DPYD: variants seen among roughly 807,000 people sequenced by gnomAD.
The protein encoded by DPYD is dihydropyrimidine dehydrogenase, also known as dihydropyrimidine dehydrogenase [NADP(+)].
Under a neutral mutation model 116.2 loss-of-function variants are expected in DPYD, and 109 were observed. The ratio of observed to expected loss-of-function variants is 0.94; its 90% CI spans 0.80 to 1.10. The LOEUF (loss-of-function observed/expected upper bound fraction) is 1.10. Among genes scored for constraint, DPYD ranks in the 50% least tolerant of loss-of-function variants. The pLI, the probability that DPYD is intolerant of heterozygous loss-of-function variation, is 0.00. For missense variants in DPYD, 1,302 were observed against 1,254.5 expected (o/e 1.04, Z -0.57); for synonymous variants, 440 against 432.0 (o/e 1.02, Z -0.23).
chr1:97,272,787 C>T (rs1425384601), intron 18 of DPYD, among the ~76,000 whole-genome samples: 1 of 152,046 alleles, frequency 6.6e-6, no homozygotes, highest in East Asian at 1.9e-4. Context: ...ATGGAACTTA[C>T]ATGAATGACT....
chr1:97,396,373 A>C (rs1299130042), intron 14 of DPYD, among the ~76,000 whole-genome samples: 1 of 151,916 alleles, frequency 6.6e-6, no homozygotes, highest in Non-Finnish European at 1.5e-5. Context: ...CTTTATAGAA[A>C]ATGTGTTGGT....
At chr1:97,113,618 G>A (rs988328315) in intron 20 of DPYD, among the ~76,000 whole-genome samples, 1 of 152,060 alleles carries the variant, frequency 6.6e-6, no homozygotes, top group Admixed American at 6.6e-5. Context: ...GTCTAGGGGA[G>A]TTTTGGAGAT....
chr1:97,464,678 C>A (rs189321404), intron 13 of DPYD, among the ~76,000 whole-genome samples: 1 of 152,116 alleles, frequency 6.6e-6, no homozygotes, highest in African/African-American at 2.4e-5. Flanking sequence ...TGCAGGTGCA[C>A]AGAAATCAAA....
rs72549303 is a variant in DPYD, at chr1:97,450,065, TG to T, written c.1898del (p.Pro633GlnfsTer5). 6.2e-7 allele frequency: 1 copy of T among 1,613,918 alleles called. No homozygotes were observed. Among genetic ancestry groups the T allele is most frequent in the Non-Finnish European group, 8.5e-7 (1 of 1,179,850 alleles). On this transcript the variant is annotated frameshift_variant, in exon 14 of 23. Coordinates refer to ENST00000370192, the MANE Select transcript of DPYD (RefSeq NM_000110.4). LOFTEE classifies it high-confidence loss of function. Reference sequence around the variant, plus strand: ...GATGTTAAATCACACTTACGTTGTCTGGAAAGTCAGCCTTTAGTTCAGTGAC... The same window carrying T: ...GATGTTAAATCACACTTACGTTGTCTGAAAGTCAGCCTTTAGTTCAGTGAC... Reference protein sequence around the residue: ...QSVTELKADFPDNIVIASIMC... With the variant: ...QSVTELKADFXDNIVIASIMC...
intron 8 of DPYD, among the ~76,000 whole-genome samples, chr1:97,625,865 G>C (rs935194212): frequency 6.6e-6 from 1 of 151,990 alleles, no homozygotes. Flanking sequence ...AAAACACTCA[G>C]TTTTATTTTT....
intron 21 of DPYD, among the ~76,000 whole-genome samples, chr1:97,092,742 C>A (rs1649976269): frequency 6.6e-6 from 1 of 152,042 alleles, no homozygotes; most frequent in African/African-American, 2.4e-5. Flanking sequence ...ACCCCAAACT[C>A]CCCTCAAACC....
At chr1:97,126,694 T>G (rs1238468225) in intron 20 of DPYD, among the ~76,000 whole-genome samples, 1 of 152,118 alleles carries the variant, frequency 6.6e-6, no homozygotes, top group East Asian at 1.9e-4. Context: ...GACAGAATCT[T>G]GTAATATTAA....
chr1:97,279,496 T>TGTTC (rs1234207729), intron 18 of DPYD, among the ~76,000 whole-genome samples: 1 of 136,406 alleles, frequency 7.3e-6, no homozygotes, highest in Non-Finnish European at 1.5e-5. Flanking sequence ...GACAGAGATT[T>TGTTC]GTTTGTTTGT....
chr1:97,123,229 C>T (rs1652582908), intron 20 of DPYD, among the ~76,000 whole-genome samples: 1 of 152,034 alleles, frequency 6.6e-6, no homozygotes, highest in African/African-American at 2.4e-5. Context: ...ATAGAAGAAA[C>T]ATATTTACTC....
At chr1:97,803,500 T>C (rs1042441654) in intron 3 of DPYD, among the ~76,000 whole-genome samples, 25 of 151,928 alleles carry the variant, frequency 1.6e-4, no homozygotes, top group African/African-American at 4.8e-4. Context: ...AATTACATGA[T>C]TGAATGTATA....
At chr1:97,180,791 A>C (rs1362439388) in intron 20 of DPYD, among the ~76,000 whole-genome samples, 2 of 152,198 alleles carry the variant, frequency 1.3e-5, no homozygotes, top group African/African-American at 4.8e-5. Context: ...ATGTGACAAA[A>C]GAAGTAACTG....
chr1:97,323,002 C>A (rs1433577094), intron 16 of DPYD: 1 of 151,656 alleles, frequency 6.6e-6, no homozygotes, highest in African/African-American at 2.4e-5. Context: ...TACTTCTACT[C>A]ACTTTCTCCT....
At chr1:97,361,728 T>G (rs906322806) in intron 16 of DPYD, among the ~76,000 whole-genome samples, 1 of 152,176 alleles carries the variant, frequency 6.6e-6, no homozygotes, top group Admixed American at 6.5e-5. Context: ...AATAGATGCA[T>G]AAAAGGCCTT....
rs1648963026 is a variant in DPYD, at chr1:97,078,929, A to C, written c.*47T>G. The C allele has an allele frequency of 3.1e-6, 5 of 1,596,194 alleles. No homozygotes were observed. In the South Asian group the frequency reaches 4.4e-5, roughly 14 times the overall value. On this transcript the variant is annotated 3_prime_UTR_variant, in exon 23 of 23. Coordinates refer to ENST00000370192, the MANE Select transcript of DPYD (RefSeq NM_000110.4). ...AGGATCATGATTTTAAAAGATCAGC[A>C]TATGTAGGTGACATGAAAGTTCACA...
At chr1:97,865,567 C>T (rs979435588) in intron 2 of DPYD, among the ~76,000 whole-genome samples, 2 of 151,886 alleles carry the variant, frequency 1.3e-5, no homozygotes, top group African/African-American at 4.8e-5. Flanking sequence ...CACACAGTTC[C>T]ATTCTTCTCA....
chr1:97,433,075 G>C (rs1051170222), intron 14 of DPYD, among the ~76,000 whole-genome samples: 1 of 152,082 alleles, frequency 6.6e-6, no homozygotes, highest in African/African-American at 2.4e-5. Flanking sequence ...TCTTTCTACT[G>C]ATCTTCCCTT....
At chr1:97,549,382 C>T (rs906807253) in intron 12 of DPYD, among the ~76,000 whole-genome samples, 178 bp downstream of exon 12, 13 of 152,090 alleles carry the variant, frequency 8.5e-5, no homozygotes, top group Admixed American at 2.0e-4. Context: ...TTTTAATCAA[C>T]TCAACAGTTC....
At chr1:97,845,372 G>A (rs916544475) in intron 2 of DPYD, among the ~76,000 whole-genome samples, 2 of 152,150 alleles carry the variant, frequency 1.3e-5, no homozygotes, top group Non-Finnish European at 2.9e-5. Flanking sequence ...AACCAGCTGT[G>A]GAAAGGAGCT....
Position 97,588,306 on chromosome 1 carries a change from C to T in DPYD, c.1128+4912G>A, listed in dbSNP as rs2102237391. On this transcript the variant is annotated intron_variant, in intron 10 of 22. Transcript: ENST00000370192. The stretch of plus-strand genomic sequence containing the variant: ...AATTAAAGATCAATCGTGTTTTGCT[C>T]CTATTGGAAAATTGAATATGTAAAT... Among the ~76,000 whole-genome samples, 3 of 152,104 alleles carry T rather than the reference C, an allele frequency of 2.0e-5. No homozygotes were observed. The South Asian group carries it at 6.3e-4, about 32-fold the overall frequency.
Sources: gnomAD v4.1 joint callset for allele counts (sites outside exome capture counted in the v4.1 genomes callset) on GRCh38, gnomAD v4.1.1 for gene constraint, MANE v1.5 for transcripts, NCBI Gene and HGNC (gene_info 2026-07-23, HGNC 2026-07-21) for gene names.